POLA1: variants seen among roughly 807,000 people sequenced by gnomAD.
The protein encoded by POLA1 is DNA polymerase alpha catalytic subunit.
In POLA1, 15 loss-of-function variants were observed where a neutral mutation model predicts 124.0. The observed-to-expected ratio is 0.12, with a 90% confidence interval of 0.08 to 0.19. The LOEUF is 0.19. Ranked by LOEUF, POLA1 falls within the 10% of genes least tolerant of loss-of-function variation. The probability of loss-of-function intolerance (pLI) is 1.00; values close to 1 mark genes in which losing one functional copy is unlikely to be tolerated. For missense variants in POLA1, 886 were observed against 1,103.4 expected (o/e 0.80, Z 2.79); for synonymous variants, 408 against 389.4 (o/e 1.05, Z -0.56).
chrX:24,994,153 A>G (rs1164544852), intron 36 of POLA1, among the ~76,000 whole-genome samples: 1 of 112,267 alleles, frequency 8.9e-6, no homozygotes, highest in Non-Finnish European at 1.9e-5. Flanking sequence ...GGTTGGGGCC[A>G]TTGTTGTTTA....
chrX:24,966,008 C>T (rs1390768533), intron 36 of POLA1, among the ~76,000 whole-genome samples: 3 of 111,610 alleles, frequency 2.7e-5, no homozygotes, highest in Non-Finnish European at 5.6e-5. Flanking sequence ...TAAGTAGCTT[C>T]GTAAGATGAC....
At chrX:24,981,001 A>G (rs1278590040) in intron 36 of POLA1, among the ~76,000 whole-genome samples, 1 of 112,033 alleles carries the variant, frequency 8.9e-6, no homozygotes, top group Non-Finnish European at 1.9e-5. Flanking sequence ...AGTGGTGAGC[A>G]TCCTGTATCT....
chrX:24,852,510 A>G (rs1397729512), intron 34 of POLA1, among the ~76,000 whole-genome samples: 1 of 110,461 alleles, frequency 9.1e-6, no homozygotes, highest in Non-Finnish European at 1.9e-5. Flanking sequence ...GGGTTTCTCC[A>G]TGTTGGTCAG....
chrX:24,824,369 T>G (rs2046138978), intron 31 of POLA1, among the ~76,000 whole-genome samples: 1 of 109,716 alleles, frequency 9.1e-6, no homozygotes, highest in African/African-American at 3.3e-5. Flanking sequence ...CACAGCTAAC[T>G]GCAGCCTTTA....
At chrX:24,716,651 C>T (rs1454503591) in intron 7 of POLA1, among the ~76,000 whole-genome samples, 197 bp downstream of exon 7, 1 of 111,948 alleles carries the variant, frequency 8.9e-6, no homozygotes, top group South Asian at 3.7e-4. Context: ...TTTGCAGTAA[C>T]TAGTGTGTGT....
intron 36 of POLA1, among the ~76,000 whole-genome samples, chrX:24,959,418 C>T (rs755207964): frequency 1.3e-4 from 14 of 107,985 alleles, no homozygotes; most frequent in African/African-American, 4.7e-4. Context: ...GAGCCAAGAG[C>T]GCACCACTGC....
In POLA1 at chrX:24,926,723, T is replaced by C. The variant is rs760230324; in HGVS notation, c.4165-3730T>C. Among the ~76,000 whole-genome samples the C allele has an allele frequency of 5.4e-5, 6 of 111,557 alleles. No homozygotes were observed. The East Asian group carries it at 1.7e-3, about 32-fold the overall frequency. Reference sequence around the variant, plus strand: ...CAGGTAGTGTGTAGCACAGCAGTTCTCATCTCAGACTGCCCACTAGAACTA... The same window carrying C: ...CAGGTAGTGTGTAGCACAGCAGTTCCCATCTCAGACTGCCCACTAGAACTA... On this transcript the variant is annotated intron_variant, in intron 35 of 36. Transcript: ENST00000379068.
intron 15 of POLA1, among the ~76,000 whole-genome samples, chrX:24,729,521 A>C (rs1204616382): frequency 8.9e-6 from 1 of 112,121 alleles, no homozygotes; most frequent in Non-Finnish European, 1.9e-5. Context: ...TATAAAATTA[A>C]ATTTTTTTCT....
At chrX:24,941,395 A>G (rs192599064) in intron 36 of POLA1, among the ~76,000 whole-genome samples, 2 of 111,908 alleles carry the variant, frequency 1.8e-5, no homozygotes, top group Admixed American at 1.9e-4. Context: ...TTGCATGTGA[A>G]TTGGCATATG....
chrX:24,790,106 G>A (rs1422626643), intron 26 of POLA1, among the ~76,000 whole-genome samples: 1 of 112,121 alleles, frequency 8.9e-6, no homozygotes, highest in Non-Finnish European at 1.9e-5. Context: ...TGGGTTTGCA[G>A]AGTACACCAA....
chrX:24,952,671 G>C (rs1024957009), intron 36 of POLA1, among the ~76,000 whole-genome samples: 7 of 112,295 alleles, frequency 6.2e-5, no homozygotes, highest in Non-Finnish European at 1.9e-5. Context: ...ATTTGCCTTT[G>C]TTTAACTGAA....
chrX:24,983,528 G>C (rs1205157290), intron 36 of POLA1, among the ~76,000 whole-genome samples: 1 of 112,105 alleles, frequency 8.9e-6, no homozygotes, highest in African/African-American at 3.2e-5. Context: ...TAGAGATGAG[G>C]ATAGGTTAAT....
chrX:24,788,183 C>T lies in POLA1; in HGVS notation c.2965-21715C>T, dbSNP rs1420850056. Among the ~76,000 whole-genome samples, 4 of 111,389 alleles carry T rather than the reference C, an allele frequency of 3.6e-5. No individual in the cohort carries two copies. In the East Asian group the frequency reaches 1.1e-3, roughly 31 times the overall value. Reference sequence around the variant, plus strand: ...CAATATCCTTTCATGATAAAAACCCCTCAACAAATTAGATATGGAAGGAAA... The same window carrying T: ...CAATATCCTTTCATGATAAAAACCCTTCAACAAATTAGATATGGAAGGAAA... On this transcript the variant is annotated intron_variant, in intron 26 of 36. Coordinates refer to ENST00000379068, the MANE Select transcript of POLA1 (RefSeq NM_001330360.2).
intron 36 of POLA1, among the ~76,000 whole-genome samples, chrX:24,995,099 C>G (rs2048587762): frequency 9.0e-6 from 1 of 110,613 alleles, no homozygotes. Context: ...GTAGAAGTAG[C>G]AGGCTCTGGG....
intron 26 of POLA1, among the ~76,000 whole-genome samples, chrX:24,757,436 C>CTTTTTTTTTTTTTTTTTTTTTTTTTT (rs66782103): frequency 9.7e-5 from 6 of 62,138 alleles, no homozygotes; most frequent in African/African-American, 4.1e-4. Context: ...AAATCTGAAA[C>CTTTTTTTTTTTTTTTTTTTTTTTTTT]TTTTTTTTTT....
chrX:24,724,514 T>C (rs1288831576), intron 12 of POLA1, 63 bp downstream of exon 12: 2 of 548,322 alleles, frequency 3.6e-6, no homozygotes, highest in Non-Finnish European at 3.0e-6. Context: ...ATTTAGCAAA[T>C]AGTTATTGCA....
intron 8 of POLA1, 144 bp downstream of exon 8, chrX:24,717,115 C>T (rs1929892237): frequency 1.8e-6 from 1 of 558,008 alleles, no homozygotes; most frequent in Non-Finnish European, 2.9e-6. Context: ...ATAAAAATTT[C>T]AGTAAAAGTT....
At chrX:24,755,258 A>G (rs935662148) in intron 26 of POLA1, among the ~76,000 whole-genome samples, 3 of 112,135 alleles carry the variant, frequency 2.7e-5, no homozygotes, top group African/African-American at 6.5e-5. Context: ...TTGATATACA[A>G]TTTTGCTTCT....
At chrX:24,928,992 C>T (rs1278543079) in intron 35 of POLA1, among the ~76,000 whole-genome samples, 1 of 111,666 alleles carries the variant, frequency 9.0e-6, no homozygotes, top group African/African-American at 3.3e-5. Context: ...TGGGTTTGTT[C>T]CTGCTACCGA....
Sources: gnomAD v4.1 joint callset for allele counts (sites outside exome capture counted in the v4.1 genomes callset) on GRCh38, gnomAD v4.1.1 for gene constraint, MANE v1.5 for transcripts, NCBI Gene and HGNC (gene_info 2026-07-23, HGNC 2026-07-21) for gene names.